Variants in AQR observed in about 807,000 individuals in gnomAD.
AQR encodes the protein RNA helicase aquarius.
A neutral mutation model predicts 180.5 loss-of-function variants in AQR; 61 were observed. The observed-to-expected ratio is 0.34, with a 90% confidence interval of 0.28 to 0.42. AQR has a LOEUF of 0.42. Among genes scored for constraint, AQR ranks in the 10% least tolerant of loss-of-function variants. The pLI is 1.00. For synonymous variants in AQR, 551 were observed against 588.8 expected, an observed-to-expected ratio of 0.94 and a Z score of 0.93; for missense variants, 1,281 against 1,798.3, an observed-to-expected ratio of 0.71 and a Z score of 5.20.
At chr15:34,932,504 T>C in intron 10 of AQR, 70 bp from the exon 11 acceptor site, 1 of 1,110,292 alleles carries the variant, frequency 9.0e-7, no homozygotes, top group South Asian at 1.5e-5. Context: ...AATCTAGTGA[T>C]ATTTAACTCT....
chr15:34,957,336 T>C (rs1029254652), intron 3 of AQR, among the ~76,000 whole-genome samples: 1 of 152,072 alleles, frequency 6.6e-6, no homozygotes, highest in African/African-American at 2.4e-5. Context: ...TTTGTATTTT[T>C]AGTAGAGACG....
intron 25 of AQR, 147 bp from the exon 26 acceptor site, chr15:34,884,881 T>C: frequency 1.6e-6 from 1 of 642,176 alleles, no homozygotes. Flanking sequence ...CTATTCTTCA[T>C]TCCTGTAACT....
At chr15:34,924,120 C>T (rs568532268) in intron 13 of AQR, among the ~76,000 whole-genome samples, 20 of 152,208 alleles carry the variant, frequency 1.3e-4, no homozygotes, top group African/African-American at 4.8e-4. Flanking sequence ...TACTCTGAAA[C>T]TAATTTTTAA....
At chr15:34,946,524 G>T (rs1347052040) in intron 5 of AQR, among the ~76,000 whole-genome samples, 1 of 146,658 alleles carries the variant, frequency 6.8e-6, no homozygotes, top group Non-Finnish European at 1.5e-5. Flanking sequence ...CGTCCGGGAG[G>T]GAGGTGAGGG....
At chr15:34,862,742 G>T in intron 33 of AQR, 125 bp downstream of exon 33, 1 of 1,045,222 alleles carries the variant, frequency 9.6e-7, no homozygotes, top group Non-Finnish European at 1.4e-6. Flanking sequence ...CCTCAGTGCA[G>T]CACACTCTAA....
chr15:34,910,356 T>C, intron 16 of AQR, 43 bp from the exon 17 acceptor site: 1 of 1,600,704 alleles, frequency 6.2e-7, no homozygotes, highest in South Asian at 1.1e-5. Flanking sequence ...AAAAAATAAT[T>C]TATCCCCAAC....
intron 4 of AQR, among the ~76,000 whole-genome samples, chr15:34,949,626 A>G: frequency 6.7e-6 from 1 of 149,146 alleles, no homozygotes; most frequent in Non-Finnish European, 1.5e-5. Context: ...AAAAAAAAAA[A>G]AGGAAAACCC....
At chr15:34,886,093 A>G (rs568163182) in intron 25 of AQR, among the ~76,000 whole-genome samples, 1 of 152,314 alleles carries the variant, frequency 6.6e-6, no homozygotes, top group South Asian at 2.1e-4. Context: ...CCACTGTGCA[A>G]TTAGTTGTAA....
intron 30 of AQR, among the ~76,000 whole-genome samples, chr15:34,872,368 T>C (rs1214256500): frequency 6.6e-6 from 1 of 152,154 alleles, no homozygotes; most frequent in Admixed American, 6.6e-5. Context: ...CAAATCATCA[T>C]CTGAAAATAT....
At chr15:34,930,500 T>A in intron 11 of AQR, 129 bp from the exon 12 acceptor site, 1 of 555,488 alleles carries the variant, frequency 1.8e-6, no homozygotes, top group Non-Finnish European at 3.2e-6. Flanking sequence ...ATGTAAACAT[T>A]ACAAAAAAGA....
intron 21 of AQR, 48 bp downstream of exon 21, chr15:34,897,511 T>TTCA: frequency 6.3e-7 from 1 of 1,599,308 alleles, no homozygotes; most frequent in Non-Finnish European, 8.5e-7. Flanking sequence ...CCAGTTGAAA[T>TTCA]GGCAAACTAT....
intron 18 of AQR, among the ~76,000 whole-genome samples, 189 bp from the exon 19 acceptor site, chr15:34,904,694 C>G (rs1302354034): frequency 1.3e-5 from 2 of 152,046 alleles, no homozygotes; most frequent in East Asian, 3.9e-4. Flanking sequence ...TTTCTTCTTT[C>G]TCTAAATTCT....
At chr15:34,951,334 TAAGAGTTCCTGA>T (rs1894228509) in intron 4 of AQR, among the ~76,000 whole-genome samples, 1 of 152,132 alleles carries the variant, frequency 6.6e-6, no homozygotes, top group Non-Finnish European at 1.5e-5. Flanking sequence ...TAAAATTAAA[TAAGAGTTCCTGA>T]AAGGTAACAA....
Position 34,897,584 on chromosome 15 carries a change from G to A in AQR, c.2365C>T (p.Pro789Ser), listed in dbSNP as rs748176390. 2.5e-6 allele frequency: 4 copies of A among 1,614,022 alleles called. No homozygotes were observed. Among genetic ancestry groups the A allele is most frequent in the Middle Eastern group, 1.7e-4 (1 of 6,060 alleles). The change falls in exon 21 of 35, where the codon CCT becomes TCT. Residue 789 changes from proline (P) to serine (S), a missense_variant. Pro to Ser is a moderately conservative substitution (Grantham distance 74). Coordinates refer to ENST00000156471, the MANE Select transcript of AQR (RefSeq NM_014691.3). ...VEPHVIPNRG[P>S]YPYNQPKRNT... ...CGTTTGGGTTGATTATAAGGATAAG[G>A]ACCCCTATTAGGAATAACATGGGGC...
rs1566976561 is a variant in AQR, at chr15:34,854,158, A to AGG, written c.*2633_*2634insCC. The AGG allele has an allele frequency of 8.1e-5, 4 of 49,498 alleles. No homozygotes were observed. The highest frequency in any genetic ancestry group is 3.5e-4 in the Admixed American group (2 of 5,690). The allele number at this position is 49,498 out of a possible 1,614,324, so 3.1% of individuals were successfully genotyped here. On this transcript the variant is annotated 3_prime_UTR_variant, in exon 35 of 35. Coordinates refer to ENST00000156471, the MANE Select transcript of AQR (RefSeq NM_014691.3). ...AACTTTCTTAACTCAGAATTTTGAA[A>AGG]AAAAAAAAAAAAAAAGAAGAAGAAA...
chr15:34,960,889 G>A lies in AQR; in HGVS notation c.133-75C>T, dbSNP rs1262617632. On this transcript the variant is annotated intron_variant, in intron 2 of 34. Transcript: ENST00000156471. ...CCTAAATTGACAGTTTTTAATGAGTGAGATTATATAAAATAAGTTGGTTTA... is the reference window on the plus strand; with the variant it reads ...CCTAAATTGACAGTTTTTAATGAGTAAGATTATATAAAATAAGTTGGTTTA... The A allele has an allele frequency of 1.5e-5, 8 of 523,634 alleles. No individual in the cohort carries two copies. The Admixed American group carries it at 2.2e-4, about 14-fold the overall frequency. 32.4% of individuals were successfully genotyped at this position (523,634 alleles called of 1,614,324 possible). A position where few individuals can be genotyped will look rare whatever the true frequency, so the allele number is the denominator to read the frequency against.
In AQR at chr15:34,934,622, C is replaced by T; in HGVS notation, c.732G>A (p.Met244Ile). The T allele has an allele frequency of 1.3e-6, 2 of 1,581,952 alleles. No homozygotes were observed. Among genetic ancestry groups the T allele is most frequent in the Non-Finnish European group, 1.7e-6 (2 of 1,167,110 alleles). ...KSVPLSEPVTMDKVHYCERFI... is the reference protein window; with the variant it reads ...KSVPLSEPVTIDKVHYCERFI... ...ATCTTTCACAGTAATGAACTTTGTC[C>T]ATAGTGACAGGTTCTAGACATAAGA... Residue 244 changes from methionine to isoleucine, a missense_variant, in exon 10 of 35, where the codon ATG becomes ATA. Physicochemically the swap from Met to Ile is conservative, Grantham distance 10. This residue lies in a region of AQR where 404 missense variants were observed against 490.9 expected (regional missense o/e 0.82). Transcript: ENST00000156471.
intron 18 of AQR, among the ~76,000 whole-genome samples, chr15:34,905,113 A>C (rs1256234202): frequency 1.3e-5 from 1 of 75,460 alleles, no homozygotes; most frequent in Admixed American, 1.4e-4. Context: ...GGTGGGGGGA[A>C]GGGGGGGTCT....
At position 34,856,381 on chromosome 15, in the gene AQR, T is replaced by G. The variant is rs1486306780; in HGVS notation, c.*411A>C. The G allele has an allele frequency of 5.0e-6, 2 of 396,228 alleles. No individual in the cohort carries two copies. The highest frequency in any genetic ancestry group is 3.6e-5 in the East Asian group (1 of 27,880). The allele number at this position is 396,228 out of a possible 1,614,324, so 24.5% of individuals were successfully genotyped here. ...AAAAAGGAAACAGAATTTAAGCATT[T>G]GATAGTATAACAGAAGAAACAAGTT... On this transcript the variant is annotated 3_prime_UTR_variant, in exon 35 of 35. Transcript: ENST00000156471.
Sources: allele counts gnomAD v4.1 joint callset (sites outside exome capture counted in the v4.1 genomes callset), GRCh38; gene constraint gnomAD v4.1.1; regional missense constraint gnomAD v4.1.1; transcripts MANE v1.5; gene names NCBI Gene and HGNC (gene_info 2026-07-23, HGNC 2026-07-21).